The following TENM2 variants were observed in gnomAD, a reference collection of about 807,000 sequenced individuals.
TENM2 encodes teneurin transmembrane protein 2, also known as teneurin-2.
In TENM2, 52 loss-of-function variants were observed where a neutral mutation model predicts 245.2. That is an observed-to-expected ratio of 0.21 (90% CI 0.17 to 0.27). TENM2 has a LOEUF of 0.27. Among genes scored for constraint, TENM2 ranks in the 10% least tolerant of loss-of-function variants. The pLI is 1.00. For missense variants in TENM2, 3,046 were observed against 3,666.8 expected, an observed-to-expected ratio of 0.83 and a Z score of 4.37; for synonymous variants, 1,363 against 1,438.9, an observed-to-expected ratio of 0.95 and a Z score of 1.19.
At chr5:167,108,238 G>A in the TENM2 span, among the ~76,000 whole-genome samples, 2 of 152,140 alleles carry the variant, frequency 1.3e-5, no homozygotes, top group Non-Finnish European at 2.9e-5. Context: ...TGATTCTCAT[G>A]CCTCAGTGTC....
chr5:167,902,626 A>G (rs995402195), intron 3 of TENM2, among the ~76,000 whole-genome samples: 1 of 152,142 alleles, frequency 6.6e-6, no homozygotes, highest in African/African-American at 2.4e-5. Flanking sequence ...GGAGAAATGG[A>G]ATGAGTTGTA....
intron 2 of TENM2, among the ~76,000 whole-genome samples, chr5:167,507,500 T>C (rs895098052): frequency 1.3e-5 from 2 of 152,158 alleles, no homozygotes; most frequent in Non-Finnish European, 2.9e-5. Context: ...AGGACACAGA[T>C]TGAAGCAGTA....
chr5:168,120,337 T>C (rs1489662537), intron 10 of TENM2, among the ~76,000 whole-genome samples: 6 of 152,166 alleles, frequency 3.9e-5, no homozygotes, highest in Non-Finnish European at 7.4e-5. Flanking sequence ...TAACCCTGCT[T>C]GAAAGGTTAA....
chr5:167,693,291 T>A (rs1187675135), intron 2 of TENM2, among the ~76,000 whole-genome samples: 1 of 152,060 alleles, frequency 6.6e-6, no homozygotes, highest in Non-Finnish European at 1.5e-5. Context: ...TAGGCAAAAG[T>A]GTTTGGTTGG....
intron 2 of TENM2, among the ~76,000 whole-genome samples, chr5:167,552,425 T>C (rs1013010395): frequency 2.0e-5 from 3 of 152,220 alleles, no homozygotes; most frequent in African/African-American, 7.2e-5. Context: ...CTAATATTCA[T>C]CTAATATTTT....
chr5:167,979,673 AT>A (rs1470719170), intron 4 of TENM2, among the ~76,000 whole-genome samples: 1 of 152,224 alleles, frequency 6.6e-6, no homozygotes, highest in Non-Finnish European at 1.5e-5. Context: ...GGAAATAATC[AT>A]GATTATAGCT....
the TENM2 span, among the ~76,000 whole-genome samples, chr5:166,985,706 A>C: frequency 6.6e-6 from 1 of 152,074 alleles, no homozygotes; most frequent in Non-Finnish European, 1.5e-5. Context: ...GGCCACAGAG[A>C]GGGCTGTGGA....
chr5:168,034,339 T>TAAA (rs5873085), intron 5 of TENM2, among the ~76,000 whole-genome samples: 1 of 119,660 alleles, frequency 8.4e-6, no homozygotes. Context: ...AGACTCCGTC[T>TAAA]AAAAAAAAAA....
chr5:168,154,147 T>TAAAAAAAAAAA (rs70976465), intron 12 of TENM2, among the ~76,000 whole-genome samples: 8 of 85,068 alleles, frequency 9.4e-5, no homozygotes, highest in African/African-American at 2.6e-4. Context: ...TCACCTACTT[T>TAAAAAAAAAAA]AAAAAAAAAA....
chr5:167,216,546 C>T, the TENM2 span, among the ~76,000 whole-genome samples: 2 of 152,126 alleles, frequency 1.3e-5, no homozygotes, highest in East Asian at 1.9e-4. Context: ...ACTAGGTTTC[C>T]GTAGACATCT....
At chr5:167,722,427 T>G (rs1430129282) in intron 2 of TENM2, among the ~76,000 whole-genome samples, 1 of 152,140 alleles carries the variant, frequency 6.6e-6, no homozygotes, top group Non-Finnish European at 1.5e-5. Context: ...TAGATATAGG[T>G]AGAGATACAG....
At chr5:167,201,090 T>C in the TENM2 span, among the ~76,000 whole-genome samples, 1 of 152,290 alleles carries the variant, frequency 6.6e-6, no homozygotes, top group African/African-American at 2.4e-5. Flanking sequence ...GTCTTTCGAA[T>C]ATTTTTTTCT....
At chr5:167,088,382 T>C in the TENM2 span, among the ~76,000 whole-genome samples, 2 of 152,096 alleles carry the variant, frequency 1.3e-5, no homozygotes, top group Non-Finnish European at 2.9e-5. Flanking sequence ...ATCCCAGCAC[T>C]GTGGGAGGCT....
chr5:167,331,937 A>T (rs909464650), intron 1 of TENM2, among the ~76,000 whole-genome samples: 1 of 152,234 alleles, frequency 6.6e-6, no homozygotes, highest in African/African-American at 2.4e-5. Flanking sequence ...CAGTAAAAAA[A>T]TCAAGATAGC....
intron 5 of TENM2, among the ~76,000 whole-genome samples, chr5:168,002,865 G>A (rs1305415845): frequency 2.0e-5 from 3 of 152,214 alleles, no homozygotes; most frequent in Non-Finnish European, 2.9e-5. Flanking sequence ...GTCGCACTGT[G>A]TGCTGAAATC....
At chr5:167,531,549 A>G (rs967768866) in intron 2 of TENM2, among the ~76,000 whole-genome samples, 2 of 152,102 alleles carry the variant, frequency 1.3e-5, no homozygotes, top group East Asian at 1.9e-4. Flanking sequence ...CTTTTTGTTA[A>G]CTACAGTTAC....
intron 2 of TENM2, among the ~76,000 whole-genome samples, chr5:167,481,153 G>T (rs1299894820): frequency 6.6e-6 from 1 of 152,062 alleles, no homozygotes; most frequent in African/African-American, 2.4e-5. Flanking sequence ...TTTTTAAAAA[G>T]GATATATAAT....
intron 27 of TENM2, among the ~76,000 whole-genome samples, chr5:168,249,782 T>C (rs541604517): frequency 4.6e-5 from 7 of 151,946 alleles, no homozygotes; most frequent in African/African-American, 1.7e-4. Flanking sequence ...TCTCTTGAGC[T>C]CAGGAGTTGG....
chr5:167,298,522 A>G lies in TENM2; in HGVS notation c.226+13459A>G, dbSNP rs980144178. Among the ~76,000 whole-genome samples the G allele has an allele frequency of 6.6e-5, 10 of 152,150 alleles. No homozygotes were observed. In the East Asian group the frequency reaches 7.7e-4, roughly 12 times the overall value. On this transcript the variant is annotated intron_variant, in intron 1 of 28. Coordinates refer to ENST00000518659, the Ensembl canonical transcript of TENM2. The stretch of plus-strand genomic sequence containing the variant: ...GGAGGCTGAGGCAGGAGAATGGCGT[A>G]AACCCCAGGGGGCGGAGCCTGCAGT...
Sources: gnomAD v4.1 joint callset for allele counts (sites outside exome capture counted in the v4.1 genomes callset) on GRCh38, gnomAD v4.1.1 for gene constraint, MANE v1.5 for transcripts, NCBI Gene and HGNC (gene_info 2026-07-23, HGNC 2026-07-21) for gene names.